Variants in KRT86 observed in about 807,000 individuals in gnomAD.
KRT86 encodes keratin 86.
In KRT86, 30 loss-of-function variants were observed where a neutral mutation model predicts 41.2. That is an observed-to-expected ratio of 0.73 (90% CI 0.54 to 0.99). KRT86 has a LOEUF of 0.99. Among genes scored for constraint, KRT86 ranks in the 50% least tolerant of loss-of-function variants. The pLI, the probability that KRT86 is intolerant of heterozygous loss-of-function variation, is 0.00. For missense variants in KRT86, 561 were observed against 571.4 expected (o/e 0.98, Z 0.19); for synonymous variants, 238 against 238.1 (o/e 1.00, Z 0.00).
Position 52,308,599 on chromosome 12 carries a change from C to T in KRT86, c.*14C>T, listed in dbSNP as rs1592442485. The T allele has an allele frequency of 6.3e-7, 1 of 1,593,036 alleles. No homozygotes were observed. On this transcript the variant is annotated 3_prime_UTR_variant, in exon 11 of 11. Coordinates refer to ENST00000423955, the MANE Select transcript of KRT86 (RefSeq NM_001320198.2). ...AAGAGGTGCTAGGAGGCTGCCGCCT[C>T]CGCCAGCGCCTGTCGCCGTCACTCT...
At position 52,308,669 on chromosome 12, in the gene KRT86, C is replaced by T. The variant is rs1342193915; in HGVS notation, c.*84C>T. 5 of 1,392,722 alleles carry T rather than the reference C, an allele frequency of 3.6e-6. No homozygotes were observed. The East Asian group carries it at 9.6e-5, about 27-fold the overall frequency. 86.3% of individuals were successfully genotyped at this position (1,392,722 alleles called of 1,614,324 possible). Reference sequence around the variant, plus strand: ...CGCCACCAGAACGCGCCGCCCGCGCCGGCCTCCCAATAGCCGCCGCCCGCT... The same window carrying T: ...CGCCACCAGAACGCGCCGCCCGCGCTGGCCTCCCAATAGCCGCCGCCCGCT... On this transcript the variant is annotated 3_prime_UTR_variant, in exon 11 of 11. Transcript: ENST00000423955.
chr12:52,284,009 G>C (rs1299732557), intron 2 of KRT86, among the ~76,000 whole-genome samples: 1 of 152,204 alleles, frequency 6.6e-6, no homozygotes, highest in Non-Finnish European at 1.5e-5. Flanking sequence ...GTCAGAGCTA[G>C]AGGGAGAGTG....
At chr12:52,306,570 C>G (rs1565750764) in intron 9 of KRT86, 2 of 548,544 alleles carry the variant, frequency 3.6e-6, no homozygotes, top group East Asian at 6.4e-5. Context: ...GTCAGCTTGC[C>G]TGGGTAGTGC....
In KRT86 at chr12:52,306,423, G is replaced by A. The variant is rs1006286598; in HGVS notation, c.1247+143G>A. On this transcript the variant is annotated intron_variant, in intron 9 of 10. Coordinates refer to ENST00000423955, the MANE Select transcript of KRT86 (RefSeq NM_001320198.2). ...CAGGTAATTTGTGTAAGTCCTTTAA[G>A]TATGATCTAGCCCCGTTTGAGTCTC... is the stretch of plus-strand genomic sequence containing the variant. 50 of 1,301,880 alleles carry A rather than the reference G, an allele frequency of 3.8e-5. 1 individual carries two copies. In the South Asian group the frequency reaches 6.7e-4, roughly 17 times the overall value. The allele number at this position is 1,301,880 out of a possible 1,614,324, so 80.6% of individuals were successfully genotyped here. A position where few individuals can be genotyped will look rare whatever the true frequency, so the allele number is the denominator to read the frequency against.
chr12:52,305,998 C>T (rs879055560), intron 8 of KRT86, 62 bp from the exon 9 acceptor site: 22 of 1,600,260 alleles, frequency 1.4e-5, no homozygotes, highest in Middle Eastern at 4.2e-4. Flanking sequence ...ATGGTCTCAT[C>T]GAGGTAAGCA....
intron 2 of KRT86, chr12:52,286,562 T>A: frequency 6.9e-7 from 1 of 1,459,570 alleles, no homozygotes; most frequent in East Asian, 2.5e-5. Context: ...CAACCGCCCC[T>A]GCCCAAGACC....
chr12:52,287,493 G>T, intron 2 of KRT86: 1 of 1,606,414 alleles, frequency 6.2e-7, no homozygotes, highest in East Asian at 2.2e-5. Flanking sequence ...CATGGACAAA[G>T]GGGGTGGAGA....
At chr12:52,301,284 A>G (rs1938367065) in intron 2 of KRT86, among the ~76,000 whole-genome samples, 1 of 152,034 alleles carries the variant, frequency 6.6e-6, no homozygotes, top group Non-Finnish European at 1.5e-5. Context: ...GTTGATAGGT[A>G]TAGATAAGGG....
intron 2 of KRT86, among the ~76,000 whole-genome samples, chr12:52,279,796 C>T (rs138868573): frequency 1.3e-3 from 195 of 152,246 alleles, no homozygotes; most frequent in African/African-American, 4.6e-3. Flanking sequence ...AGCCTGGGGC[C>T]CATAGCTTCT....
intron 2 of KRT86, chr12:52,287,653 A>C (rs3187034): frequency 6.2e-7 from 1 of 1,609,350 alleles, no homozygotes; most frequent in African/African-American, 1.3e-5. Context: ...GGTTCAGCTC[A>C]TTGATCTCCT....
At chr12:52,287,516 A>C in intron 2 of KRT86, 1 of 1,612,886 alleles carries the variant, frequency 6.2e-7, no homozygotes, top group Non-Finnish European at 8.5e-7. Context: ...GAATGCTGAG[A>C]TCCAGGTAGG....
intron 2 of KRT86, among the ~76,000 whole-genome samples, chr12:52,296,246 A>G (rs1938246952): frequency 6.6e-6 from 1 of 152,166 alleles, no homozygotes; most frequent in Non-Finnish European, 1.5e-5. Context: ...ATAGTCAGGA[A>G]GAGGAGGAAA....
At position 52,294,225 on chromosome 12, in the gene KRT86, G is replaced by A. The variant is rs191205536; in HGVS notation, c.-4-7688G>A. On this transcript the variant is annotated intron_variant, in intron 2 of 10. Coordinates refer to ENST00000423955, the MANE Select transcript of KRT86 (RefSeq NM_001320198.2). ...GCGGTTGGGTGTCCTGAGGAGCACTGTGAGTCAAAGTACATCTCATCCACA... is the reference window on the plus strand; with the variant it reads ...GCGGTTGGGTGTCCTGAGGAGCACTATGAGTCAAAGTACATCTCATCCACA... Among the ~76,000 whole-genome samples the A allele has an allele frequency of 1.8e-3, 271 of 152,324 alleles. 2 individuals are homozygous for A. The highest frequency in any genetic ancestry group is 3.4e-3 in the Middle Eastern group (1 of 294).
rs367712000 is a variant in KRT86 at position 52,305,270 on chromosome 12, G to T, written c.766G>T (p.Asp256Tyr). 53 of 1,614,096 alleles carry T rather than the reference G, an allele frequency of 3.3e-5. 1 individual carries two copies. The South Asian group carries it at 4.3e-4, about 13-fold the overall frequency. Residue 256 changes from aspartate to tyrosine, a missense_variant, in exon 7 of 11, where the codon GAC becomes TAC. Physicochemically the swap from Asp to Tyr is radical, Grantham distance 160. Coordinates refer to ENST00000423955, the MANE Select transcript of KRT86 (RefSeq NM_001320198.2). ...CCGCGTTCTCCAGTCCCACATCTCA[G>T]ACACCTCCGTGGTTGTCAAGCTGGA... ...EIRVLQSHIS[D>Y]TSVVVKLDNS...
At chr12:52,304,877 A>T in intron 5 of KRT86, 55 bp from the exon 6 acceptor site, 2 of 1,569,230 alleles carry the variant, frequency 1.3e-6, no homozygotes, top group Non-Finnish European at 1.8e-6. Flanking sequence ...AGAGAGAGGA[A>T]TCTAGAGGCT....
chr12:52,279,609 G>A (rs1011764362), intron 2 of KRT86, among the ~76,000 whole-genome samples: 1 of 152,174 alleles, frequency 6.6e-6, no homozygotes, highest in Non-Finnish European at 1.5e-5. Flanking sequence ...ACCTGGCTGC[G>A]GTGGAGGGGT....
intron 9 of KRT86, chr12:52,306,495 C>A (rs1219637478): frequency 1.4e-6 from 1 of 716,868 alleles, no homozygotes; most frequent in African/African-American, 1.8e-5. Flanking sequence ...TTGTTCATCT[C>A]AGTTGAGATC....
In KRT86 at chr12:52,308,846, C is replaced by T; in HGVS notation, c.*261C>T. ...CCCGAGGATTCATCTTTTTCTTCCG[C>T]CTGCCTTCTGTTTTTTTTGCTGTAT... On this transcript the variant is annotated 3_prime_UTR_variant, in exon 11 of 11. Transcript: ENST00000423955. The T allele has an allele frequency of 1.9e-6, 1 of 519,214 alleles. No homozygotes were observed. The highest frequency in any genetic ancestry group is 2.2e-5 in the South Asian group (1 of 45,994). 32.2% of individuals were successfully genotyped at this position (519,214 alleles called of 1,614,324 possible).
At chr12:52,287,841 G>T in intron 2 of KRT86, 8 of 1,603,130 alleles carry the variant, frequency 5.0e-6, no homozygotes, top group Non-Finnish European at 6.8e-6. Flanking sequence ...TGGCAGTCCT[G>T]CCCTGCCACC....
Sources: allele counts gnomAD v4.1 joint callset (sites outside exome capture counted in the v4.1 genomes callset), GRCh38; gene constraint gnomAD v4.1.1; transcripts MANE v1.5; gene names NCBI Gene and HGNC (gene_info 2026-07-23, HGNC 2026-07-21).